SEMA3C: variants seen among roughly 807,000 people sequenced by gnomAD.
The protein encoded by SEMA3C is semaphorin-3C.
A neutral mutation model predicts 89.4 loss-of-function variants in SEMA3C; 47 were observed. The observed-to-expected ratio is 0.53, with a 90% CI of 0.42 to 0.67. SEMA3C has a LOEUF of 0.67. Among genes scored for constraint, SEMA3C ranks in the 30% least tolerant of loss-of-function variants. The probability of loss-of-function intolerance (pLI) is 0.00; values close to 1 mark genes in which losing one functional copy is unlikely to be tolerated. For missense variants in SEMA3C, 839 were observed against 929.1 expected, an observed-to-expected ratio of 0.90 and a Z score of 1.26; for synonymous variants, 310 against 320.2, an observed-to-expected ratio of 0.97 and a Z score of 0.34.
intron 15 of SEMA3C, among the ~76,000 whole-genome samples, chr7:80,757,162 A>C (rs1050096967): frequency 6.6e-6 from 1 of 152,224 alleles, no homozygotes; most frequent in Non-Finnish European, 1.5e-5. Flanking sequence ...GAGAATAAAA[A>C]CCATAAAGCA....
intron 2 of SEMA3C, among the ~76,000 whole-genome samples, chr7:80,841,944 G>A (rs1181259594): frequency 6.6e-6 from 1 of 152,144 alleles, no homozygotes; most frequent in Non-Finnish European, 1.5e-5. Context: ...CTGCAGAACT[G>A]CAGAGGACAG....
chr7:80,913,502 T>G (rs1584005681), intron 2 of SEMA3C, among the ~76,000 whole-genome samples: 1 of 152,344 alleles, frequency 6.6e-6, no homozygotes, highest in East Asian at 1.9e-4. Context: ...TTTCTGTTTT[T>G]AAACCACTGT....
intron 12 of SEMA3C, among the ~76,000 whole-genome samples, chr7:80,782,540 G>A (rs991151482): frequency 6.6e-6 from 1 of 152,130 alleles, no homozygotes; most frequent in Non-Finnish European, 1.5e-5. Flanking sequence ...TGGTAAATGA[G>A]GTAAAAATGT....
rs187898878 is a variant in SEMA3C, at chr7:80,911,699, C to T, written c.103+4980G>A. 1.6e-3 allele frequency among the ~76,000 whole-genome samples: 235 copies of T among 151,274 alleles called. 2 individuals carry two copies. In the East Asian group the frequency reaches 0.023, roughly 15 times the overall value. On this transcript the variant is annotated intron_variant, in intron 2 of 17. Coordinates refer to ENST00000265361, the MANE Select transcript of SEMA3C (RefSeq NM_006379.5). ...CTCAGGCTGGAGTACAATGGCACGA[C>T]CTCGACTCACTGCAAGCTCTGCCTC...
intron 4 of SEMA3C, 88 bp downstream of exon 4, chr7:80,827,337 C>T: frequency 1.5e-6 from 2 of 1,325,826 alleles, no homozygotes; most frequent in Non-Finnish European, 2.0e-6. Context: ...ATCCTTGTCT[C>T]ATTTTTGGCT....
chr7:80,876,042 T>G lies in SEMA3C; in HGVS notation c.103+40637A>C, dbSNP rs898052207. ...ACTTAGCACGGAGAAGGTATTAAAT[T>G]TGTGGGTGGAAGATGTGAACAGAAA... On this transcript the variant is annotated intron_variant, in intron 2 of 17. Coordinates refer to ENST00000265361, the MANE Select transcript of SEMA3C (RefSeq NM_006379.5). Among the ~76,000 whole-genome samples the G allele has an allele frequency of 3.3e-5, 5 of 152,090 alleles. No individual in the cohort carries two copies. In the South Asian group the frequency reaches 8.3e-4, roughly 25 times the overall value.
intron 2 of SEMA3C, among the ~76,000 whole-genome samples, chr7:80,897,121 C>T (rs190082539): frequency 6.6e-6 from 1 of 152,156 alleles, no homozygotes; most frequent in Non-Finnish European, 1.5e-5. Flanking sequence ...CTACTCAATT[C>T]TTCTCCCTCT....
chr7:80,860,665 C>T (rs1045207036), intron 2 of SEMA3C, among the ~76,000 whole-genome samples: 1 of 152,096 alleles, frequency 6.6e-6, no homozygotes, highest in Non-Finnish European at 1.5e-5. Context: ...CCCAAACTGC[C>T]AAGGTCAAGG....
intron 2 of SEMA3C, among the ~76,000 whole-genome samples, chr7:80,866,550 A>G (rs988058612): frequency 2.6e-5 from 4 of 152,182 alleles, no homozygotes; most frequent in Admixed American, 6.5e-5. Flanking sequence ...TGATTTCTCA[A>G]TGAAATCTGT....
intron 2 of SEMA3C, among the ~76,000 whole-genome samples, chr7:80,885,801 A>G (rs1791461160): frequency 6.6e-6 from 1 of 152,228 alleles, no homozygotes; most frequent in African/African-American, 2.4e-5. Flanking sequence ...GCACCTATAA[A>G]CTATGTACAT....
chr7:80,920,112 A>G (rs538245942), upstream of SEMA3C, among the ~76,000 whole-genome samples: 1 of 152,286 alleles, frequency 6.6e-6, no homozygotes, highest in Admixed American at 6.5e-5. Flanking sequence ...GATTGCCATA[A>G]CCACACATCT....
At chr7:80,796,368 C>A (rs1288137188) in intron 11 of SEMA3C, 1 of 152,168 alleles carries the variant, frequency 6.6e-6, no homozygotes, top group African/African-American at 2.4e-5. Context: ...ATCCAGCACT[C>A]CCCAGTCTTT....
chr7:80,896,024 A>AAT (rs10680872), intron 2 of SEMA3C, among the ~76,000 whole-genome samples: 21,269 of 152,058 alleles, frequency 0.14, 2,669 homozygotes, highest in African/African-American at 0.33. Flanking sequence ...CAGTAATGTG[A>AAT]ATGAGAGTTG....
At chr7:80,753,529 T>C (rs963253891) in intron 15 of SEMA3C, among the ~76,000 whole-genome samples, 4 of 152,220 alleles carry the variant, frequency 2.6e-5, no homozygotes, top group African/African-American at 4.8e-5. Flanking sequence ...AAAAACATTG[T>C]TATGGCTTGG....
At chr7:80,815,727 T>C (rs1443273502) in intron 5 of SEMA3C, among the ~76,000 whole-genome samples, 1 of 151,826 alleles carries the variant, frequency 6.6e-6, no homozygotes, top group Non-Finnish European at 1.5e-5. Flanking sequence ...GCAAATTTCA[T>C]TCAAAAAGCA....
chr7:80,853,177 A>G (rs765560853), intron 2 of SEMA3C, among the ~76,000 whole-genome samples: 1 of 152,174 alleles, frequency 6.6e-6, no homozygotes, highest in Non-Finnish European at 1.5e-5. Flanking sequence ...GAGAATGTAA[A>G]TTAGTACAGC....
intron 2 of SEMA3C, among the ~76,000 whole-genome samples, chr7:80,872,458 A>G (rs1791084275): frequency 1.3e-5 from 2 of 152,052 alleles, no homozygotes; most frequent in Admixed American, 6.6e-5. Flanking sequence ...GGGTGAGTAG[A>G]AGTTATATTT....
intron 17 of SEMA3C, among the ~76,000 whole-genome samples, chr7:80,746,511 A>G (rs1395448228): frequency 6.6e-6 from 1 of 152,176 alleles, no homozygotes; most frequent in African/African-American, 2.4e-5. Context: ...TCCATTAAAC[A>G]TGTATATAAT....
intron 15 of SEMA3C, among the ~76,000 whole-genome samples, chr7:80,755,586 G>A (rs1788047573): frequency 6.6e-6 from 1 of 151,466 alleles, no homozygotes. Context: ...TTCCTTGGAA[G>A]GTATAGTGCT....
Sources: gnomAD v4.1 joint callset for allele counts (sites outside exome capture counted in the v4.1 genomes callset) on GRCh38, gnomAD v4.1.1 for gene constraint, MANE v1.5 for transcripts, NCBI Gene and HGNC (gene_info 2026-07-23, HGNC 2026-07-21) for gene names.